Variants in PDCD11 observed in about 807,000 individuals in gnomAD.
PDCD11 encodes the protein protein RRP5 homolog.
Under a neutral mutation model 198.9 loss-of-function variants are expected in PDCD11, and 97 were observed. That is an observed-to-expected ratio of 0.49 (90% CI 0.41 to 0.58). The LOEUF (loss-of-function observed/expected upper bound fraction) is 0.58. PDCD11 is among the 20% of genes least tolerant of loss of function. The pLI is 0.00. For missense variants in PDCD11, 2,102 were observed against 2,312.7 expected (o/e 0.91, Z 1.87); for synonymous variants, 893 against 918.0 (o/e 0.97, Z 0.49).
At chr10:103,443,412 C>G (rs1336074314) in intron 33 of PDCD11, 79 bp downstream of exon 33, 1 of 1,325,266 alleles carries the variant, frequency 7.5e-7, no homozygotes, top group African/African-American at 1.5e-5. Flanking sequence ...GGTGCTGGGT[C>G]CAGTCCTGCT....
intron 20 of PDCD11, 44 bp downstream of exon 20, chr10:103,425,569 G>C: frequency 1.9e-6 from 3 of 1,553,030 alleles, no homozygotes; most frequent in South Asian, 2.4e-5. Context: ...GGAGATTGTT[G>C]TTGTTGTGGG....
chr10:103,441,371 ACT>A (rs1389142815), intron 30 of PDCD11, among the ~76,000 whole-genome samples: 12 of 152,018 alleles, frequency 7.9e-5, no homozygotes, highest in African/African-American at 2.9e-4. Context: ...AATTCTCATG[ACT>A]CAGCCTCCCG....
intron 25 of PDCD11, among the ~76,000 whole-genome samples, chr10:103,437,650 G>A (rs2032206531): frequency 6.6e-6 from 1 of 152,030 alleles, no homozygotes; most frequent in Non-Finnish European, 1.5e-5. Context: ...ACCACGCCCG[G>A]CTATTTTTTT....
chr10:103,443,370 C>A lies in PDCD11; in HGVS notation c.5124+37C>A, dbSNP rs747772703. On this transcript the variant is annotated intron_variant, in intron 33 of 35. Coordinates refer to ENST00000369797, the MANE Select transcript of PDCD11 (RefSeq NM_014976.2). ...GGCCACAGACGAACTCCTGGGAGTT[C>A]CAGGGCCACAATCTCAGAGAAGAGC... 3.2e-6 allele frequency: 5 copies of A among 1,557,674 alleles called. No homozygotes were observed. The African/African-American group carries it at 6.8e-5, about 21-fold the overall frequency.
At chr10:103,439,625 A>G (rs999508485) in intron 27 of PDCD11, 121 bp from the exon 28 acceptor site, 3 of 1,108,576 alleles carry the variant, frequency 2.7e-6, no homozygotes, top group African/African-American at 3.1e-5. Flanking sequence ...AATGCCAGGA[A>G]CTTATGTCTG....
chr10:103,431,777 C>G (rs1362284761), intron 21 of PDCD11, among the ~76,000 whole-genome samples: 2 of 152,174 alleles, frequency 1.3e-5, no homozygotes, highest in African/African-American at 2.4e-5. Context: ...TGAACTCACA[C>G]AGTTGTCAAA....
chr10:103,430,818 A>G (rs2863731), intron 21 of PDCD11, among the ~76,000 whole-genome samples: 55,673 of 150,262 alleles, frequency 0.37, 10,591 homozygotes, highest in South Asian at 0.59. Flanking sequence ...TTTTTTTTTA[A>G]ATGGAGTTTC....
At chr10:103,413,865 A>G in intron 9 of PDCD11, 101 bp from the exon 10 acceptor site, 7 of 1,124,778 alleles carry the variant, frequency 6.2e-6, no homozygotes, top group Non-Finnish European at 7.3e-6. Flanking sequence ...TACTGTTTTT[A>G]TGGTACATGA....
chr10:103,421,266 G>C (rs572170183), intron 16 of PDCD11, 82 bp from the exon 17 acceptor site: 2 of 1,092,142 alleles, frequency 1.8e-6, no homozygotes, highest in Non-Finnish European at 2.7e-6. Flanking sequence ...CCCTACTCAC[G>C]TACCCCTTTC....
In PDCD11 at chr10:103,400,226, C is replaced by T. The variant is rs901297183; in HGVS notation, c.103-171C>T. Reference sequence around the variant, plus strand: ...AGAGGGAACATTGGCGGCCCCCCCCCTTTTTTTTTTTTTTTTAAGCAAGAA... The same window carrying T: ...AGAGGGAACATTGGCGGCCCCCCCCTTTTTTTTTTTTTTTTTAAGCAAGAA... On this transcript the variant is annotated intron_variant, in intron 2 of 35. Transcript: ENST00000369797. Among the ~76,000 whole-genome samples the T allele has an allele frequency of 1.8e-4, 24 of 135,402 alleles. 1 individual carries two copies. The highest frequency in any genetic ancestry group is 2.5e-4 in the South Asian group (1 of 3,960). The allele number at this position is 135,402 out of a possible 152,430, so 88.8% of individuals were successfully genotyped here.
chr10:103,423,370 A>G (rs2031545826), intron 18 of PDCD11, among the ~76,000 whole-genome samples, 173 bp from the exon 19 acceptor site: 1 of 152,164 alleles, frequency 6.6e-6, no homozygotes, highest in Non-Finnish European at 1.5e-5. Context: ...GCCTACCTGA[A>G]CTTGAACTAT....
intron 7 of PDCD11, 55 bp from the exon 8 acceptor site, chr10:103,409,644 C>A: frequency 1.6e-6 from 2 of 1,228,026 alleles, no homozygotes; most frequent in Non-Finnish European, 2.4e-6. Flanking sequence ...CAATGTCTCA[C>A]ATTCCTGGTT....
Position 103,439,780 on chromosome 10 carries a change from T to A in PDCD11, c.4060T>A (p.Ser1354Thr). The change falls in exon 28 of 36, where the codon TCC becomes ACC. Residue 1354 changes from serine to threonine, a missense_variant. Coordinates refer to ENST00000369797, the MANE Select transcript of PDCD11 (RefSeq NM_014976.2). ...CTCCGTTGTGGGTTTGGCTCGGTAC[T>A]CCCATGTCTCCCAGCACAGCCCGTC... ...GPSVVGLARYSHVSQHSPSKK... is the reference protein window; with the variant it reads ...GPSVVGLARYTHVSQHSPSKK... 6.2e-7 allele frequency: 1 copy of A among 1,614,098 alleles called. No homozygotes were observed. The highest frequency in any genetic ancestry group is 8.5e-7 in the Non-Finnish European group (1 of 1,180,010).
Position 103,442,343 on chromosome 10 carries a change from T to C in PDCD11, c.4838T>C (p.Leu1613Pro). 6.2e-7 allele frequency: 1 copy of C among 1,614,252 alleles called. No homozygotes were observed. Among genetic ancestry groups the C allele is most frequent in the Non-Finnish European group, 8.5e-7 (1 of 1,180,046 alleles). Reference sequence around the variant, plus strand: ...GCGGATGATTTTGACCGACTGGTGCTGAGCTCCCCCAACAGCTCCATTCTG... The same window carrying C: ...GCGGATGATTTTGACCGACTGGTGCCGAGCTCCCCCAACAGCTCCATTCTG... ...ESADDFDRLV[L>P]SSPNSSILWL... Residue 1613 changes from leucine (L) to proline (P), a missense_variant, in exon 32 of 36, where the codon CTG becomes CCG. By Grantham distance (98) the Leu-to-Pro change is moderately conservative. Coordinates refer to ENST00000369797, the MANE Select transcript of PDCD11 (RefSeq NM_014976.2).
chr10:103,442,521 A>C, intron 32 of PDCD11, 61 bp downstream of exon 32: 20 of 1,569,934 alleles, frequency 1.3e-5, no homozygotes, highest in Middle Eastern at 1.9e-4. Flanking sequence ...GAAGTTTCTC[A>C]ACCTGTGGGG....
intron 28 of PDCD11, 88 bp downstream of exon 28, chr10:103,439,956 G>A: frequency 6.7e-7 from 1 of 1,496,612 alleles, no homozygotes. Flanking sequence ...AGGGTGAACT[G>A]TAAACATAAT....
intron 33 of PDCD11, 104 bp downstream of exon 33, chr10:103,443,437 C>T (rs759062536): frequency 6.8e-6 from 7 of 1,036,330 alleles, no homozygotes; most frequent in Non-Finnish European, 9.5e-6. Flanking sequence ...GCTTGCCACC[C>T]AACATCGGGG....
intron 4 of PDCD11, among the ~76,000 whole-genome samples, chr10:103,404,508 A>G (rs966871808): frequency 1.3e-5 from 2 of 152,226 alleles, no homozygotes; most frequent in Non-Finnish European, 2.9e-5. Flanking sequence ...CATGTTGGCC[A>G]GGCTGGTCTC....
chr10:103,439,848 G>C lies in PDCD11; in HGVS notation c.4128G>C (p.Leu1376=). 1 of 1,614,148 alleles carries C rather than the reference G, an allele frequency of 6.2e-7. No individual in the cohort carries two copies. The highest frequency in any genetic ancestry group is 8.5e-7 in the Non-Finnish European group (1 of 1,180,010). Residue 1376 remains leucine (L), a synonymous_variant, in exon 28 of 36, where the codon CTG becomes CTC. Transcript: ENST00000369797. ...ACAAACACCTCCCTGAAGGGAAGCT[G>C]CTCACAGCCAGGGTCCTACGGTAGG... is the stretch of plus-strand genomic sequence containing the variant. The part of the protein sequence containing the change: ...LYNKHLPEGK[L]LTARVLRLNH...
Sources: gnomAD v4.1 joint callset for allele counts (sites outside exome capture counted in the v4.1 genomes callset) on GRCh38, gnomAD v4.1.1 for gene constraint, MANE v1.5 for transcripts, NCBI Gene and HGNC (gene_info 2026-07-23, HGNC 2026-07-21) for gene names.